Variants in USP42 observed in about 807,000 individuals in gnomAD.
The protein encoded by USP42 is ubiquitin carboxyl-terminal hydrolase 42.
USP42 carries 23 observed loss-of-function variants against 113.0 expected under a neutral mutation model. The ratio of observed to expected loss-of-function variants is 0.20; its 90% CI spans 0.15 to 0.29. The LOEUF (loss-of-function observed/expected upper bound fraction) is 0.29, where lower values mean the gene tolerates loss of function less well. Among genes scored for constraint, USP42 ranks in the 10% least tolerant of loss-of-function variants. The pLI is 1.00. For synonymous variants in USP42, 933 were observed against 699.0 expected, an observed-to-expected ratio of 1.33 and a Z score of -5.28; for missense variants, 2,174 against 1,779.8, an observed-to-expected ratio of 1.22 and a Z score of -3.99.
intron 3 of USP42, chr7:6,117,081 A>G (rs1779953326): frequency 6.9e-6 from 2 of 290,122 alleles, no homozygotes; most frequent in South Asian, 6.0e-5. Flanking sequence ...AAAATACATA[A>G]TTTGATGCAT....
In USP42 at chr7:6,154,235, A is replaced by C. The variant is rs1260691756; in HGVS notation, c.2681A>C (p.Glu894Ala). Residue 894 changes from glutamate to alanine, a missense_variant, in exon 15 of 18, where the codon GAG becomes GCG. Physicochemically the swap from Glu to Ala is moderately radical, Grantham distance 107 (BLOSUM62 -1). Transcript: ENST00000306177. ...QDPSQSLGAPEAAERPPAPVL... is the reference protein window; with the variant it reads ...QDPSQSLGAPAAAERPPAPVL... ...CCATCCCAGAGCTTGGGCGCACCCG[A>C]GGCCGCAGAGCGGCCGCCAGCTCCT... 1 of 1,606,146 alleles carries C rather than the reference A, an allele frequency of 6.2e-7. No homozygotes were observed. Among genetic ancestry groups the C allele is most frequent in the Non-Finnish European group, 8.5e-7 (1 of 1,178,234 alleles).
chr7:6,143,056 A>C (rs1365364212), intron 8 of USP42, 42 bp downstream of exon 8: 1 of 1,600,380 alleles, frequency 6.2e-7, no homozygotes, highest in Non-Finnish European at 8.6e-7. Context: ...CGGCTTCTCC[A>C]GTGGGGATGG....
At chr7:6,092,018 TTC>T in the USP42 span, among the ~76,000 whole-genome samples, 1 of 105,832 alleles carries the variant, frequency 9.4e-6, no homozygotes, top group Admixed American at 1.0e-4. Context: ...CTTCTTCTTC[TTC>T]TTCTTCTTCT....
At chr7:6,122,801 A>G (rs10257461) in intron 3 of USP42, among the ~76,000 whole-genome samples, 65,922 of 151,134 alleles carry the variant, frequency 0.44, 17,918 homozygotes, top group East Asian at 0.76. Flanking sequence ...ATAGGGTCTC[A>G]CTAAGTTGCT....
At chr7:6,114,675 TATA>T (rs1189261033) in intron 2 of USP42, among the ~76,000 whole-genome samples, 30 of 26,294 alleles carry the variant, frequency 1.1e-3, no homozygotes, top group Non-Finnish European at 1.9e-3. Context: ...TATATATATA[TATA>T]TTTTTTTTTT....
At chr7:6,142,716 C>G (rs1583654321) in intron 7 of USP42, among the ~76,000 whole-genome samples, 2 of 152,130 alleles carry the variant, frequency 1.3e-5, no homozygotes, top group Non-Finnish European at 1.5e-5. Context: ...AGACCCCTGT[C>G]TCTACAAAAA....
At chr7:6,127,358 C>G (rs1780597991) in intron 3 of USP42, among the ~76,000 whole-genome samples, 1 of 152,010 alleles carries the variant, frequency 6.6e-6, no homozygotes, top group East Asian at 1.9e-4. Flanking sequence ...ATCTCTTTGC[C>G]TAGCTCTTGA....
the USP42 span, among the ~76,000 whole-genome samples, chr7:6,094,090 G>A: frequency 4.0e-5 from 6 of 150,944 alleles, no homozygotes; most frequent in South Asian, 2.1e-4. Flanking sequence ...CACCATGTTG[G>A]TCAGTCTGGT....
intron 3 of USP42, chr7:6,128,161 C>T (rs1023639938): frequency 2.6e-5 from 4 of 151,878 alleles, no homozygotes; most frequent in Non-Finnish European, 4.4e-5. Context: ...CTGTGTTACC[C>T]AGGCTGGTCT....
chr7:6,113,312 A>T (rs1462840674), intron 2 of USP42, among the ~76,000 whole-genome samples: 1 of 152,220 alleles, frequency 6.6e-6, no homozygotes, highest in Non-Finnish European at 1.5e-5. Flanking sequence ...TTGCACATGG[A>T]GGTGGAAAGT....
In USP42 at chr7:6,154,077, G is replaced by C. The variant is rs768868380; in HGVS notation, c.2523G>C (p.Glu841Asp). The C allele has an allele frequency of 6.2e-7, 1 of 1,605,906 alleles. No homozygotes were observed. The highest frequency in any genetic ancestry group is 2.2e-5 in the East Asian group (1 of 44,858). Residue 841 changes from glutamate (E) to aspartate (D), a missense_variant, in exon 15 of 18, where the codon GAG (glutamate) becomes GAC (aspartate). Physicochemically the swap from Glu to Asp is conservative, Grantham distance 45. Coordinates refer to ENST00000306177, the MANE Select transcript of USP42 (RefSeq NM_032172.3). ...AGGACGCAAAGGGGATGATCGCGGA[G>C]GGCCCGCGGGACTCGGCGTTGGCGG... ...LSQDAKGMIA[E>D]GPRDSALAEA...
chr7:6,121,564 A>G (rs758566418), intron 3 of USP42, among the ~76,000 whole-genome samples: 7 of 152,110 alleles, frequency 4.6e-5, no homozygotes, highest in Non-Finnish European at 7.3e-5. Flanking sequence ...TTTGTACAGA[A>G]TTGATGTTAT....
chr7:6,123,640 G>A (rs1015262476), intron 3 of USP42, among the ~76,000 whole-genome samples: 3 of 151,916 alleles, frequency 2.0e-5, no homozygotes, highest in African/African-American at 7.3e-5. Context: ...TCCAGCCTGG[G>A]CGACAGCGAG....
chr7:6,091,714 C>CACACACACACACAT, the USP42 span, among the ~76,000 whole-genome samples: 6 of 148,800 alleles, frequency 4.0e-5, no homozygotes, highest in South Asian at 6.3e-4. Context: ...CACACACACA[C>CACACACACACACAT]ATATATATGT....
chr7:6,144,546 G>A (rs1228805504), intron 9 of USP42, among the ~76,000 whole-genome samples: 1 of 152,114 alleles, frequency 6.6e-6, no homozygotes, highest in Non-Finnish European at 1.5e-5. Flanking sequence ...GCATGCAAGA[G>A]AAATAAACGA....
the USP42 span, among the ~76,000 whole-genome samples, chr7:6,094,032 C>G: frequency 1.3e-5 from 2 of 150,624 alleles, no homozygotes; most frequent in Non-Finnish European, 1.5e-5. Context: ...TGGTGCGTGC[C>G]ACCACACCCG....
chr7:6,108,406 G>A (rs1029852415), intron 1 of USP42, among the ~76,000 whole-genome samples: 20 of 152,222 alleles, frequency 1.3e-4, no homozygotes, highest in Non-Finnish European at 2.5e-4. Context: ...GTTATTGTGA[G>A]CAGCCAGTTT....
chr7:6,087,796 A>G, the USP42 span, among the ~76,000 whole-genome samples: 1 of 151,162 alleles, frequency 6.6e-6, no homozygotes, highest in South Asian at 2.1e-4. Context: ...TCTGCCTAGA[A>G]AGTCCCTCTG....
chr7:6,150,138 C>G lies in USP42; in HGVS notation c.1942C>G (p.Pro648Ala). ...AGATGCCGAAGATGAGGAGGCCACT[C>G]CGCACGAGCTTCAAGAACCCATGAC... ...GQDAEDEEAT[P>A]HELQEPMTLN... The change falls in exon 13 of 18, where the codon CCG becomes GCG. Residue 648 changes from proline (P) to alanine (A), a missense_variant. Transcript: ENST00000306177. 1 of 1,613,484 alleles carries G rather than the reference C, an allele frequency of 6.2e-7. No homozygotes were observed. Among genetic ancestry groups the G allele is most frequent in the Non-Finnish European group, 8.5e-7 (1 of 1,179,616 alleles).
Sources: allele counts gnomAD v4.1 joint callset (sites outside exome capture counted in the v4.1 genomes callset), GRCh38; gene constraint gnomAD v4.1.1; transcripts MANE v1.5; gene names NCBI Gene and HGNC (gene_info 2026-07-23, HGNC 2026-07-21).